Variants in TCEA1 observed in about 807,000 individuals in gnomAD.
TCEA1 encodes transcription elongation factor A protein 1.
Under a neutral mutation model 43.8 loss-of-function variants are expected in TCEA1, and 21 were observed. The ratio of observed to expected loss-of-function variants is 0.48; its 90% CI spans 0.34 to 0.69. The LOEUF (loss-of-function observed/expected upper bound fraction) is 0.69, where lower values mean the gene tolerates loss of function less well. TCEA1 is among the 30% of genes least tolerant of loss of function. TCEA1 has a pLI of 0.01. For missense variants in TCEA1, 250 were observed against 365.1 expected, an observed-to-expected ratio of 0.68 and a Z score of 2.57; for synonymous variants, 104 against 117.5, an observed-to-expected ratio of 0.88 and a Z score of 0.75.
Position 53,970,411 on chromosome 8 carries a change from T to C in TCEA1, c.878A>G (p.Glu293Gly). The C allele has an allele frequency of 6.2e-7, 1 of 1,610,674 alleles. No homozygotes were observed. Among genetic ancestry groups the C allele is most frequent in the South Asian group, 1.1e-5 (1 of 90,702 alleles). Residue 293 changes from glutamate to glycine, a missense_variant, in exon 9 of 10, where the codon GAA becomes GGA. Glu to Gly is a moderately conservative substitution (Grantham distance 98). Transcript: ENST00000521604. ...CCATACCTTCCATCGATTTCCACAT[T>C]CATTACAGACAACAAATGTTGTCAT... is the stretch of plus-strand genomic sequence containing the variant. ...EPMTTFVVCN[E>G]CGNRWKFC
At chr8:53,972,777 TG>T in intron 8 of TCEA1, 5 of 716,688 alleles carry the variant, frequency 7.0e-6, no homozygotes, top group South Asian at 6.8e-5. Flanking sequence ...AGTAGTAGAC[TG>T]TGATTCTCCT....
At chr8:54,007,701 T>C (rs1804517288) in intron 2 of TCEA1, among the ~76,000 whole-genome samples, 2 of 152,208 alleles carry the variant, frequency 1.3e-5, no homozygotes, top group Non-Finnish European at 2.9e-5. Context: ...GTGACTTTTT[T>C]TCTCAATCAT....
chr8:53,999,448 A>G (rs867103512), intron 3 of TCEA1, among the ~76,000 whole-genome samples: 70 of 152,264 alleles, frequency 4.6e-4, no homozygotes, highest in African/African-American at 1.5e-3. Flanking sequence ...ACACGCAAGT[A>G]TTTAAAGGGT....
At chr8:53,993,596 TAGAC>T in intron 4 of TCEA1, 68 bp downstream of exon 4, 14 of 1,264,502 alleles carry the variant, frequency 1.1e-5, no homozygotes, top group East Asian at 9.5e-5. Flanking sequence ...AGGGGAACAT[TAGAC>T]AGGGGAATTG....
At chr8:53,983,035 C>T (rs564666604) in intron 7 of TCEA1, among the ~76,000 whole-genome samples, 49 of 152,316 alleles carry the variant, frequency 3.2e-4, no homozygotes, top group African/African-American at 1.2e-3. Context: ...ATTACCACAG[C>T]CACCTCAACC....
chr8:54,012,962 C>CAAAAAAAA (rs72062714), intron 1 of TCEA1, among the ~76,000 whole-genome samples: 5 of 76,966 alleles, frequency 6.5e-5, no homozygotes, highest in Non-Finnish European at 8.8e-5. Flanking sequence ...ACGACGACGA[C>CAAAAAAAA]AAAAAAAAAA....
At chr8:53,977,336 A>G (rs1455115517) in intron 8 of TCEA1, among the ~76,000 whole-genome samples, 1 of 152,200 alleles carries the variant, frequency 6.6e-6, no homozygotes, top group Non-Finnish European at 1.5e-5. Context: ...AAAGGAAAAC[A>G]AAAATATTTG....
chr8:54,009,166 CA>C (rs370810534), intron 2 of TCEA1, among the ~76,000 whole-genome samples: 85 of 91,208 alleles, frequency 9.3e-4, no homozygotes, highest in Admixed American at 1.8e-3. Context: ...ATTAAAAAGA[CA>C]AAAAAAAAAA....
intron 7 of TCEA1, among the ~76,000 whole-genome samples, chr8:53,983,668 CAA>C (rs34669112): frequency 8.5e-5 from 12 of 141,536 alleles, no homozygotes; most frequent in East Asian, 2.0e-4. Flanking sequence ...AATTTCGTAT[CAA>C]AAAAAAAAAA....
At chr8:54,010,776 G>C (rs982423029) in intron 1 of TCEA1, among the ~76,000 whole-genome samples, 1 of 151,078 alleles carries the variant, frequency 6.6e-6, no homozygotes, top group African/African-American at 2.4e-5. Context: ...CATCAATAAA[G>C]AAAAAACGAT....
chr8:54,007,571 G>A (rs1804513019), intron 2 of TCEA1, among the ~76,000 whole-genome samples: 1 of 152,234 alleles, frequency 6.6e-6, no homozygotes, highest in African/African-American at 2.4e-5. Context: ...GTAAACTGAA[G>A]TTAAAACATT....
intron 3 of TCEA1, among the ~76,000 whole-genome samples, chr8:53,994,071 G>A (rs1458675962): frequency 6.6e-6 from 1 of 152,234 alleles, no homozygotes; most frequent in Non-Finnish European, 1.5e-5. Flanking sequence ...TGAAAGCACA[G>A]GCCGGTGCAG....
At chr8:53,988,001 A>T in intron 5 of TCEA1, 113 bp downstream of exon 5, 1 of 1,296,048 alleles carries the variant, frequency 7.7e-7, no homozygotes, top group Non-Finnish European at 1.0e-6. Context: ...GCTAAGCAGC[A>T]GTGGGTGGGC....
At chr8:54,011,283 A>C (rs909404140) in intron 1 of TCEA1, among the ~76,000 whole-genome samples, 1 of 152,248 alleles carries the variant, frequency 6.6e-6, no homozygotes, top group Non-Finnish European at 1.5e-5. Flanking sequence ...TTTACCCCAC[A>C]AAGAGCTGTT....
intron 2 of TCEA1, among the ~76,000 whole-genome samples, chr8:54,001,461 C>T (rs1804257198): frequency 6.6e-6 from 1 of 152,084 alleles, no homozygotes; most frequent in African/African-American, 2.4e-5. Context: ...CTGAGCAAAA[C>T]AGACAAGATT....
At chr8:53,997,631 C>T (rs980266184) in intron 3 of TCEA1, among the ~76,000 whole-genome samples, 3 of 152,216 alleles carry the variant, frequency 2.0e-5, no homozygotes, top group African/African-American at 4.8e-5. Flanking sequence ...AGCGCGATGG[C>T]TCACGCCTAT....
chr8:54,016,867 G>A (rs1042343981), intron 1 of TCEA1, among the ~76,000 whole-genome samples: 2 of 151,402 alleles, frequency 1.3e-5, no homozygotes, highest in South Asian at 2.1e-4. Context: ...CCAGCTACTC[G>A]GGAGGCTGAG....
chr8:53,972,661 G>A (rs1300674055), intron 8 of TCEA1: 5 of 621,250 alleles, frequency 8.0e-6, no homozygotes, highest in African/African-American at 1.8e-5. Context: ...CAAGTTTGAG[G>A]ATCAGTAGAG....
chr8:53,977,582 G>GA (rs936144398), intron 8 of TCEA1, among the ~76,000 whole-genome samples: 1 of 152,070 alleles, frequency 6.6e-6, no homozygotes, highest in Non-Finnish European at 1.5e-5. Flanking sequence ...TTCTATCGGT[G>GA]AAAAAATCAA....
Sources: allele counts gnomAD v4.1 joint callset (sites outside exome capture counted in the v4.1 genomes callset), GRCh38; gene constraint gnomAD v4.1.1; transcripts MANE v1.5; gene names NCBI Gene and HGNC (gene_info 2026-07-23, HGNC 2026-07-21).